PSTPIP1: variants seen among roughly 807,000 people sequenced by gnomAD.
The protein encoded by PSTPIP1 is proline-serine-threonine phosphatase-interacting protein 1.
PSTPIP1 carries 66 observed loss-of-function variants against 69.6 expected under a neutral mutation model. The observed-to-expected ratio is 0.95, with a 90% confidence interval of 0.78 to 1.16. The LOEUF (loss-of-function observed/expected upper bound fraction) is 1.16, where lower values mean the gene tolerates loss of function less well. Among genes scored for constraint, PSTPIP1 ranks in the 50% most tolerant of loss-of-function variants. PSTPIP1 has a pLI of 0.00. For synonymous variants in PSTPIP1, 266 were observed against 222.7 expected (o/e 1.19, Z -1.73); for missense variants, 603 against 557.4 (o/e 1.08, Z -0.82).
At chr15:77,034,398 T>C (rs1406650058) in intron 12 of PSTPIP1, among the ~76,000 whole-genome samples, 1 of 152,072 alleles carries the variant, frequency 6.6e-6, no homozygotes, top group African/African-American at 2.4e-5. Flanking sequence ...ACCCTGCGCA[T>C]GTGTGTGCAC....
chr15:77,013,704 G>C (rs1157038060), intron 1 of PSTPIP1, among the ~76,000 whole-genome samples: 4 of 152,132 alleles, frequency 2.6e-5, no homozygotes, highest in African/African-American at 9.7e-5. Flanking sequence ...AGCTCTTCCT[G>C]GCTACCTTCC....
At chr15:77,006,683 C>T (rs540658514) in intron 1 of PSTPIP1, among the ~76,000 whole-genome samples, 8 of 152,174 alleles carry the variant, frequency 5.3e-5, no homozygotes, top group Admixed American at 1.3e-4. Flanking sequence ...GTTTTCCCAG[C>T]GCCATTTGTT....
At chr15:77,016,867 G>T (rs1297855979) in intron 1 of PSTPIP1, among the ~76,000 whole-genome samples, 4 of 152,176 alleles carry the variant, frequency 2.6e-5, no homozygotes, top group Non-Finnish European at 5.9e-5. Context: ...CCCTAAGGTG[G>T]CATTTGAGGG....
rs746635172 is a variant in PSTPIP1 at position 77,032,503 on chromosome 15, C to G, written c.838+109C>G. On this transcript the variant is annotated intron_variant, in intron 11 of 14. Transcript: ENST00000558012. Reference sequence around the variant, plus strand: ...CCGGGCTGGGGTAGCTCACAGCTCCCTTCAGGGCAGAGAAGCCCTAGCAGG... The same window carrying G: ...CCGGGCTGGGGTAGCTCACAGCTCCGTTCAGGGCAGAGAAGCCCTAGCAGG... 1.2e-5 allele frequency: 14 copies of G among 1,196,086 alleles called. No homozygotes were observed. The East Asian group carries it at 3.5e-4, about 30-fold the overall frequency. The allele number at this position is 1,196,086 out of a possible 1,614,324, so 74.1% of individuals were successfully genotyped here. A position where few individuals can be genotyped will look rare whatever the true frequency, so the allele number is the denominator to read the frequency against.
In PSTPIP1 at chr15:77,027,647, C is replaced by A; in HGVS notation, c.355-205C>A. ...GGTCTGCAGCAAGGACCTCACGGCA[C>A]ACCCATGCCCTGTGATTCTCTGTGG... On this transcript the variant is annotated intron_variant, in intron 5 of 14. Coordinates refer to ENST00000558012, the MANE Select transcript of PSTPIP1 (RefSeq NM_003978.5). The surrounding 1 kb of genome is among the most constrained non-coding windows in gnomAD (Gnocchi z 4.3). 1.6e-6 allele frequency: 1 copy of A among 644,398 alleles called. No homozygotes were observed. Among genetic ancestry groups the A allele is most frequent in the Non-Finnish European group, 2.9e-6 (1 of 349,598 alleles). The allele number at this position is 644,398 out of a possible 1,614,324, so 39.9% of individuals were successfully genotyped here.
At chr15:77,013,867 G>A (rs2075995459) in intron 1 of PSTPIP1, among the ~76,000 whole-genome samples, 1 of 152,320 alleles carries the variant, frequency 6.6e-6, no homozygotes, top group African/African-American at 2.4e-5. Context: ...AGGCAAGGGA[G>A]CATTTGAAAA....
Position 77,032,373 on chromosome 15 carries a change from A to G in PSTPIP1, c.817A>G (p.Ser273Gly), listed in dbSNP as rs2076440652. The stretch of plus-strand genomic sequence containing the variant: ...CATCGACAGTTTCATCCAGGCCAAG[A>G]GCACGGGCACAGAGCCCCCCGGTGA... ...ADIDSFIQAKSTGTEPPAPVP... is the reference protein window; with the variant it reads ...ADIDSFIQAKGTGTEPPAPVP... The change falls in exon 11 of 15, where the codon AGC (serine) becomes GGC (glycine). Residue 273 changes from serine to glycine, a missense_variant. Ser to Gly is a moderately conservative substitution (Grantham distance 56). Coordinates refer to ENST00000558012, the MANE Select transcript of PSTPIP1 (RefSeq NM_003978.5). The G allele has an allele frequency of 3.1e-6, 5 of 1,612,682 alleles. No individual in the cohort carries two copies. Among genetic ancestry groups the G allele is most frequent in the Non-Finnish European group, 4.2e-6 (5 of 1,179,802 alleles).
At chr15:77,029,760 C>T (rs2076372908) in intron 8 of PSTPIP1, among the ~76,000 whole-genome samples, 186 bp downstream of exon 8, 1 of 152,184 alleles carries the variant, frequency 6.6e-6, no homozygotes, top group Non-Finnish European at 1.5e-5. Context: ...CCCTTCTTGG[C>T]GCTTCATGTG....
chr15:76,998,939 C>T (rs17380886), intron 1 of PSTPIP1, among the ~76,000 whole-genome samples: 1 of 152,056 alleles, frequency 6.6e-6, no homozygotes, highest in South Asian at 2.1e-4. Context: ...GAGCATCACA[C>T]CTTGGCAGGA....
At chr15:77,031,126 G>C in intron 9 of PSTPIP1, 54 bp from the exon 10 acceptor site, 1 of 1,534,338 alleles carries the variant, frequency 6.5e-7, no homozygotes, top group Non-Finnish European at 9.0e-7. Context: ...GGCCCAGCCT[G>C]GCCGGGCCCT....
Position 77,032,898 on chromosome 15 carries a change from T to C in PSTPIP1, c.875T>C (p.Val292Ala), listed in dbSNP as rs1333647544. 11 of 1,602,942 alleles carry C rather than the reference T, an allele frequency of 6.9e-6. No individual in the cohort carries two copies. Among genetic ancestry groups the C allele is most frequent in the Non-Finnish European group, 8.5e-6 (10 of 1,175,550 alleles). ...TACCAGAACTATTACGATCGGGAGG[T>C]CACCCCGCTGACCAGCAGCCCTGGC... ...VPYQNYYDRE[V>A]TPLTSSPGIQ... Residue 292 changes from valine to alanine, a missense_variant, in exon 12 of 15, where the codon GTC becomes GCC. Transcript: ENST00000558012.
chr15:77,027,692 CTG>C lies in PSTPIP1; in HGVS notation c.355-157_355-156del. 1.3e-6 allele frequency: 1 copy of C among 798,256 alleles called. No individual in the cohort carries two copies. Among genetic ancestry groups the C allele is most frequent in the Middle Eastern group, 2.2e-4 (1 of 4,480 alleles). 49.4% of individuals were successfully genotyped at this position (798,256 alleles called of 1,614,324 possible). A position where few individuals can be genotyped will look rare whatever the true frequency, so the allele number is the denominator to read the frequency against. On this transcript the variant is annotated intron_variant, in intron 5 of 14. Coordinates refer to ENST00000558012, the MANE Select transcript of PSTPIP1 (RefSeq NM_003978.5). The surrounding 1 kb of genome is among the most constrained non-coding windows in gnomAD (Gnocchi z 4.3). ...CTGTGGCCTTCCATTGTGAGGGTCACTGTGAAGCAGCAGGCTCTGGGGGAGGG... is the reference window on the plus strand; with the variant it reads ...CTGTGGCCTTCCATTGTGAGGGTCACTGAAGCAGCAGGCTCTGGGGGAGGG...
At chr15:77,020,000 G>A (rs769215417) in intron 3 of PSTPIP1, among the ~76,000 whole-genome samples, 2 of 152,192 alleles carry the variant, frequency 1.3e-5, no homozygotes, top group South Asian at 4.1e-4. Flanking sequence ...AGAGACTCAG[G>A]AGAGGTGGAG....
intron 12 of PSTPIP1, among the ~76,000 whole-genome samples, chr15:77,034,936 G>A (rs996497948): frequency 9.2e-5 from 14 of 152,230 alleles, no homozygotes; most frequent in African/African-American, 2.7e-4. Flanking sequence ...GCGCTGTCCC[G>A]GAACTCCTGT....
At chr15:77,028,983 AG>A (rs2076352432) in intron 7 of PSTPIP1, among the ~76,000 whole-genome samples, 1 of 152,224 alleles carries the variant, frequency 6.6e-6, no homozygotes, top group African/African-American at 2.4e-5. Flanking sequence ...CCCATGTCAC[AG>A]AGAGGAAACT....
chr15:77,029,354 C>CCTGTGGTCCT lies in PSTPIP1; in HGVS notation c.517-168_517-159dup, dbSNP rs546970289. ...CTTCGTTCTCTTTCCATGGAGCTAG[C>CCTGTGGTCCT]CTGTGGTCCTCTGTGGGCGGAGGTT... On this transcript the variant is annotated intron_variant, in intron 7 of 14. Transcript: ENST00000558012. Among the ~76,000 whole-genome samples, 331 of 152,356 alleles carry CCTGTGGTCCT rather than the reference C, an allele frequency of 2.2e-3. 4 individuals carry two copies. In the Middle Eastern group the frequency reaches 0.044, roughly 20 times the overall value.
chr15:77,021,429 C>T (rs1037600692), intron 3 of PSTPIP1, among the ~76,000 whole-genome samples: 9 of 152,208 alleles, frequency 5.9e-5, no homozygotes, highest in African/African-American at 9.7e-5. Context: ...CCGTGCCTCA[C>T]GCCTATAATC....
chr15:77,014,570 T>C (rs951619664), intron 1 of PSTPIP1, among the ~76,000 whole-genome samples: 5 of 152,098 alleles, frequency 3.3e-5, no homozygotes, highest in African/African-American at 4.8e-5. Flanking sequence ...GGAAACCAGG[T>C]CCTGAGAAGT....
intron 1 of PSTPIP1, among the ~76,000 whole-genome samples, chr15:77,006,669 TC>T (rs951724741): frequency 6.6e-6 from 1 of 152,226 alleles, no homozygotes; most frequent in Non-Finnish European, 1.5e-5. Flanking sequence ...CATGTGGATA[TC>T]CAGTTTTCCC....
Sources: gnomAD v4.1 joint callset for allele counts (sites outside exome capture counted in the v4.1 genomes callset) on GRCh38, gnomAD v4.1.1 for gene constraint, Gnocchi (gnomAD v3.1) non-coding constraint, MANE v1.5 for transcripts, NCBI Gene and HGNC (gene_info 2026-07-23, HGNC 2026-07-21) for gene names.